Variants in WDFY4 observed in about 807,000 individuals in gnomAD.
The protein encoded by WDFY4 is WDFY family member 4.
In WDFY4, 169 loss-of-function variants were observed where a neutral mutation model predicts 351.9. The ratio of observed to expected loss-of-function variants is 0.48; its 90% CI spans 0.42 to 0.55. The LOEUF is 0.55. WDFY4 is among the 20% of genes least tolerant of loss of function. The pLI is 0.00. For missense variants in WDFY4, 3,803 were observed against 3,935.6 expected (o/e 0.97, Z 0.90); for synonymous variants, 1,622 against 1,574.6 (o/e 1.03, Z -0.71).
chr10:48,936,216 A>T (rs1437515877), intron 47 of WDFY4, among the ~76,000 whole-genome samples: 2 of 152,270 alleles, frequency 1.3e-5, no homozygotes, highest in East Asian at 3.9e-4. Flanking sequence ...AAAACAAATC[A>T]TTAAATGAGA....
chr10:48,775,935 GC>G, intron 15 of WDFY4, 129 bp downstream of exon 15: 1 of 818,326 alleles, frequency 1.2e-6, no homozygotes, highest in Non-Finnish European at 1.9e-6. Context: ...GCTGCTCAAT[GC>G]AGCAACTGAG....
At chr10:48,701,439 A>G (rs1288153188) in intron 1 of WDFY4, among the ~76,000 whole-genome samples, 1 of 152,170 alleles carries the variant, frequency 6.6e-6, no homozygotes, top group Non-Finnish European at 1.5e-5. Flanking sequence ...ACTTTTTGTA[A>G]TTGACCTACC....
At chr10:48,863,797 C>G (rs1194694177) in intron 39 of WDFY4, among the ~76,000 whole-genome samples, 1 of 152,162 alleles carries the variant, frequency 6.6e-6, no homozygotes, top group Non-Finnish European at 1.5e-5. Context: ...TTAATTGACT[C>G]ACAGTTTGGC....
At chr10:48,877,927 G>A (rs1159102478) in intron 43 of WDFY4, 1 of 152,306 alleles carries the variant, frequency 6.6e-6, no homozygotes, top group Admixed American at 6.5e-5. Flanking sequence ...ACATGTCTTA[G>A]AGTAGAACCG....
At chr10:48,799,251 T>A (rs2066975356) in intron 24 of WDFY4, among the ~76,000 whole-genome samples, 1 of 151,438 alleles carries the variant, frequency 6.6e-6, no homozygotes, top group Non-Finnish European at 1.5e-5. Context: ...AAACCACCAA[T>A]AAGAACCAGA....
In WDFY4 at chr10:48,828,168, A is replaced by G. The variant is rs1179268752; in HGVS notation, c.6222-610A>G. The stretch of plus-strand genomic sequence containing the variant: ...TCATAATGGCCACGTGGACGTTAAC[A>G]CAATGGGGACCCCCAGAGCACATGG... On this transcript the variant is annotated intron_variant, in intron 36 of 61. Transcript: ENST00000325239. Among the ~76,000 whole-genome samples the G allele has an allele frequency of 2.0e-5, 3 of 152,370 alleles. No homozygotes were observed. In the East Asian group the frequency reaches 5.8e-4, roughly 29 times the overall value.
intron 12 of WDFY4, among the ~76,000 whole-genome samples, chr10:48,751,472 C>G (rs2065179537): frequency 6.6e-6 from 1 of 152,166 alleles, no homozygotes; most frequent in Non-Finnish European, 1.5e-5. Context: ...CCAGGGATGG[C>G]AGTAGCTTGA....
At chr10:48,905,987 T>C (rs1160118431) in intron 47 of WDFY4, among the ~76,000 whole-genome samples, 1 of 152,174 alleles carries the variant, frequency 6.6e-6, no homozygotes, top group Non-Finnish European at 1.5e-5. Flanking sequence ...CTTCAGGAGC[T>C]CCAGGGTGGG....
chr10:48,824,222 C>G (rs184964577), intron 35 of WDFY4: 12 of 980,186 alleles, frequency 1.2e-5, no homozygotes, highest in Non-Finnish European at 1.5e-5. Context: ...GTGTTTGACC[C>G]TTGCTGAACC....
intron 47 of WDFY4, among the ~76,000 whole-genome samples, chr10:48,939,761 C>G (rs1840654445): frequency 2.0e-5 from 3 of 152,102 alleles, no homozygotes; most frequent in Non-Finnish European, 4.4e-5. Flanking sequence ...GTTAGGTGTC[C>G]TGGAACTGCT....
chr10:48,804,820 T>G (rs2067199543), intron 25 of WDFY4: 1 of 976,812 alleles, frequency 1.0e-6, no homozygotes, highest in African/African-American at 1.8e-5. Context: ...CCTTTGACTT[T>G]CAGTGGCGTG....
intron 52 of WDFY4, among the ~76,000 whole-genome samples, chr10:48,958,452 C>A (rs1285235301): frequency 1.3e-5 from 2 of 152,174 alleles, no homozygotes; most frequent in East Asian, 1.9e-4. Flanking sequence ...CCCACTCTGT[C>A]TTGGAAATGA....
chr10:48,749,854 C>T (rs533471947), intron 12 of WDFY4, among the ~76,000 whole-genome samples: 82 of 152,336 alleles, frequency 5.4e-4, no homozygotes, highest in Middle Eastern at 6.8e-3. Flanking sequence ...TCTGCCTTAG[C>T]ATATGCCTTC....
chr10:48,871,693 T>C (rs191324270), intron 40 of WDFY4, among the ~76,000 whole-genome samples: 8 of 152,294 alleles, frequency 5.3e-5, no homozygotes, highest in Non-Finnish European at 1.0e-4. Flanking sequence ...CCCAGGCTGG[T>C]CTTTAACTTC....
At position 48,731,141 on chromosome 10, in the gene WDFY4, G is replaced by C; in HGVS notation, c.1161G>C (p.Gln387His). Residue 387 changes from glutamine to histidine, a missense_variant, in exon 9 of 62, where the codon CAG becomes CAC. Physicochemically the swap from Gln to His is conservative, Grantham distance 24. This residue lies in a region of WDFY4 where 488 missense variants were observed against 456.8 expected (regional missense o/e 1.07). Coordinates refer to ENST00000325239, the MANE Select transcript of WDFY4 (RefSeq NM_001394531.1). Reference sequence around the variant, plus strand: ...CTGTTAAGAATCTTCAGGCCTTCCAGGTCCTACAGAATGTTTTCCACAAAG... The same window carrying C: ...CTGTTAAGAATCTTCAGGCCTTCCACGTCCTACAGAATGTTTTCCACAAAG... ...GVTVKNLQAF[Q>H]VLQNVFHKAS... 6.5e-7 allele frequency: 1 copy of C among 1,549,594 alleles called. No individual in the cohort carries two copies. Among genetic ancestry groups the C allele is most frequent in the Non-Finnish European group, 8.7e-7 (1 of 1,145,328 alleles).
intron 31 of WDFY4, among the ~76,000 whole-genome samples, chr10:48,815,609 C>A (rs535065769): frequency 1.9e-4 from 29 of 152,250 alleles, no homozygotes; most frequent in African/African-American, 6.7e-4. Flanking sequence ...CAGGTGTGCA[C>A]CACCAATGCC....
At chr10:48,775,679 T>A in intron 14 of WDFY4, 33 bp from the exon 15 acceptor site, 1 of 1,534,424 alleles carries the variant, frequency 6.5e-7, no homozygotes, top group Non-Finnish European at 8.8e-7. Flanking sequence ...TAGTAAAATG[T>A]CTTCATTTTT....
At chr10:48,965,898 T>C (rs546284791) in intron 54 of WDFY4, among the ~76,000 whole-genome samples, 13 of 139,446 alleles carry the variant, frequency 9.3e-5, no homozygotes, top group Non-Finnish European at 1.7e-4. Flanking sequence ...ACAGCTGATA[T>C]AGAGTCCAGC....
chr10:48,864,534 A>G (rs2069471363), intron 39 of WDFY4, among the ~76,000 whole-genome samples: 1 of 152,020 alleles, frequency 6.6e-6, no homozygotes, highest in African/African-American at 2.4e-5. Context: ...TACATTCTTT[A>G]TTTTGTTAAA....
Sources: gnomAD v4.1 joint callset for allele counts (sites outside exome capture counted in the v4.1 genomes callset) on GRCh38, gnomAD v4.1.1 for gene constraint, gnomAD v4.1.1 regional missense constraint, MANE v1.5 for transcripts, NCBI Gene and HGNC (gene_info 2026-07-23, HGNC 2026-07-21) for gene names.